The following P3H2 variants were observed in gnomAD, a reference collection of about 807,000 sequenced individuals.
The protein encoded by P3H2 is prolyl 3-hydroxylase 2.
In P3H2, 80 loss-of-function variants were observed where a neutral mutation model predicts 87.0. The ratio of observed to expected loss-of-function variants is 0.92; its 90% confidence interval spans 0.77 to 1.11. The LOEUF is 1.11. Among genes scored for constraint, P3H2 ranks in the 50% least tolerant of loss-of-function variants. P3H2 has a pLI of 0.00. For synonymous variants in P3H2, 367 were observed against 359.3 expected (o/e 1.02, Z -0.24); for missense variants, 1,001 against 923.9 (o/e 1.08, Z -1.08).
At chr3:190,079,640 C>G (rs1440610712) in intron 1 of P3H2, among the ~76,000 whole-genome samples, 1 of 152,122 alleles carries the variant, frequency 6.6e-6, no homozygotes, top group African/African-American at 2.4e-5. Context: ...TGTGCATCAC[C>G]CTTTCCACCT....
chr3:190,001,574 G>A (rs1275259802), intron 1 of P3H2, among the ~76,000 whole-genome samples: 1 of 152,156 alleles, frequency 6.6e-6, no homozygotes, highest in Non-Finnish European at 1.5e-5. Flanking sequence ...CAAGTGACAA[G>A]CATGTAAGCT....
chr3:189,990,695 A>G (rs1411700827), intron 3 of P3H2, among the ~76,000 whole-genome samples: 1 of 152,230 alleles, frequency 6.6e-6, no homozygotes, highest in African/African-American at 2.4e-5. Context: ...AGCCAGTTTT[A>G]TACCTAATTT....
chr3:190,070,842 T>A (rs946925837), intron 1 of P3H2, among the ~76,000 whole-genome samples: 63 of 152,188 alleles, frequency 4.1e-4, no homozygotes, highest in African/African-American at 1.5e-3. Context: ...TCACACTTCA[T>A]TAACTCCTGT....
intron 1 of P3H2, among the ~76,000 whole-genome samples, chr3:190,076,085 T>C (rs1726867422): frequency 6.6e-6 from 1 of 152,018 alleles, no homozygotes; most frequent in South Asian, 2.1e-4. Context: ...ATTGGACAAA[T>C]TTGGGCTTGT....
At chr3:190,058,818 A>C (rs1343259561) in intron 1 of P3H2, among the ~76,000 whole-genome samples, 1 of 152,194 alleles carries the variant, frequency 6.6e-6, no homozygotes. Context: ...CAGAGAAGGC[A>C]CACACACAAA....
At chr3:189,972,818 T>C in intron 11 of P3H2, 56 bp downstream of exon 11, 1 of 1,593,714 alleles carries the variant, frequency 6.3e-7, no homozygotes, top group Non-Finnish European at 8.6e-7. Flanking sequence ...TTTTGCCTTG[T>C]TTCATTTCCC....
chr3:190,095,535 G>C (rs900333195), intron 1 of P3H2, among the ~76,000 whole-genome samples: 1 of 149,706 alleles, frequency 6.7e-6, no homozygotes, highest in African/African-American at 2.4e-5. Flanking sequence ...ATAAGAGAGA[G>C]CTAAGTCCAT....
intron 1 of P3H2, among the ~76,000 whole-genome samples, chr3:190,057,040 G>A (rs1281508706): frequency 1.3e-5 from 2 of 152,186 alleles, no homozygotes; most frequent in African/African-American, 2.4e-5. Context: ...CAACCTTTCA[G>A]ACATGAGAGA....
At chr3:190,105,464 C>A (rs1347226025) in intron 1 of P3H2, among the ~76,000 whole-genome samples, 1 of 152,084 alleles carries the variant, frequency 6.6e-6, no homozygotes, top group Non-Finnish European at 1.5e-5. Context: ...TGGTTTTGAG[C>A]CTTTTATCTA....
intron 1 of P3H2, among the ~76,000 whole-genome samples, chr3:190,106,661 T>C (rs900630444): frequency 3.3e-5 from 5 of 152,134 alleles, no homozygotes; most frequent in African/African-American, 1.2e-4. Flanking sequence ...AAACAACCGA[T>C]ATGTCAGAAC....
chr3:190,105,110 A>G (rs939538337), intron 1 of P3H2, among the ~76,000 whole-genome samples: 1 of 152,188 alleles, frequency 6.6e-6, no homozygotes, highest in Admixed American at 6.5e-5. Flanking sequence ...TTGGATTGGA[A>G]AATATTTTAA....
chr3:189,995,652 G>A (rs1577261802), intron 1 of P3H2, among the ~76,000 whole-genome samples: 1 of 151,250 alleles, frequency 6.6e-6, no homozygotes, highest in African/African-American at 2.4e-5. Flanking sequence ...CAATCAACAG[G>A]TGAAGATACA....
intron 1 of P3H2, among the ~76,000 whole-genome samples, chr3:190,119,501 C>T (rs1243588259): frequency 6.6e-6 from 1 of 152,132 alleles, no homozygotes; most frequent in Non-Finnish European, 1.5e-5. Flanking sequence ...TACTATACCT[C>T]CTGACGCTAA....
intron 1 of P3H2, among the ~76,000 whole-genome samples, chr3:190,100,260 C>A (rs1258553164): frequency 9.9e-5 from 14 of 141,022 alleles, no homozygotes; most frequent in South Asian, 2.3e-4. Flanking sequence ...GCCCCCCCCC[C>A]CAAAAAAAAC....
chr3:189,982,112 T>C (rs1421561493), intron 8 of P3H2, among the ~76,000 whole-genome samples: 4 of 149,632 alleles, frequency 2.7e-5, no homozygotes, highest in Non-Finnish European at 4.5e-5. Context: ...ATAGGTGATA[T>C]ATTTTTGATA....
At chr3:190,041,108 CTATATA>C (rs146930683) in intron 1 of P3H2, among the ~76,000 whole-genome samples, 2 of 45,134 alleles carry the variant, frequency 4.4e-5, no homozygotes, top group African/African-American at 8.7e-5. Context: ...TATATATATA[CTATATA>C]TATATATATA....
intron 1 of P3H2, among the ~76,000 whole-genome samples, chr3:190,052,569 AT>A (rs1404753935): frequency 6.6e-6 from 1 of 152,072 alleles, no homozygotes; most frequent in Non-Finnish European, 1.5e-5. Flanking sequence ...AGTAAGTAAT[AT>A]TATATCCCCA....
At chr3:189,982,362 C>T (rs1723563665) in intron 8 of P3H2, among the ~76,000 whole-genome samples, 1 of 152,192 alleles carries the variant, frequency 6.6e-6, no homozygotes, top group African/African-American at 2.4e-5. Context: ...TTAACCACTG[C>T]TGTTAGTATT....
At chr3:189,963,111 A>C (rs1248358789) in intron 14 of P3H2, among the ~76,000 whole-genome samples, 5 of 152,178 alleles carry the variant, frequency 3.3e-5, no homozygotes, top group African/African-American at 1.2e-4. Context: ...TGTGGAGCCC[A>C]AATTTTCCCT....
Sources: allele counts gnomAD v4.1 joint callset (sites outside exome capture counted in the v4.1 genomes callset), GRCh38; gene constraint gnomAD v4.1.1; transcripts MANE v1.5; gene names NCBI Gene and HGNC (gene_info 2026-07-23, HGNC 2026-07-21).